Variants in NEURL1 observed in about 807,000 individuals in gnomAD.
NEURL1 encodes the protein E3 ubiquitin-protein ligase NEURL1.
Under a neutral mutation model 41.2 loss-of-function variants are expected in NEURL1, and 26 were observed. The ratio of observed to expected loss-of-function variants is 0.63; its 90% CI spans 0.46 to 0.87. The LOEUF (loss-of-function observed/expected upper bound fraction) is 0.87, where lower values mean the gene tolerates loss of function less well. Ranked by LOEUF, NEURL1 falls within the 40% of genes least tolerant of loss-of-function variation. The pLI, the probability that NEURL1 is intolerant of heterozygous loss-of-function variation, is 0.00. For synonymous variants in NEURL1, 400 were observed against 402.3 expected (o/e 0.99, Z 0.07); for missense variants, 761 against 871.1 (o/e 0.87, Z 1.59).
chr10:103,532,899 C>T (rs1434448124), intron 1 of NEURL1, among the ~76,000 whole-genome samples: 8 of 146,834 alleles, frequency 5.4e-5, no homozygotes, highest in Non-Finnish European at 7.5e-5. Flanking sequence ...AGGTTTTCTA[C>T]ACCTTTTTCC....
intron 1 of NEURL1, chr10:103,512,300 G>A (rs1414238889): frequency 6.5e-6 from 1 of 152,678 alleles, no homozygotes; most frequent in East Asian, 1.9e-4. Context: ...TCTTGGGAGT[G>A]GGCAAGGAGC....
At position 103,577,118 on chromosome 10, in the gene NEURL1, G is replaced by A. The variant is rs111593951; in HGVS notation, c.649+5296G>A. On this transcript the variant is annotated intron_variant, in intron 3 of 5. Transcript: ENST00000369780. ...GCTGGGGGAAACAGCTGAGGCTGCC[G>A]ATCATGATTTCTTCCTCTTTGATGA... Among the ~76,000 whole-genome samples, 391 of 152,316 alleles carry A rather than the reference G, an allele frequency of 2.6e-3. 2 individuals are homozygous for A. Among genetic ancestry groups the A allele is most frequent in the Admixed American group, 5.2e-3 (80 of 15,308 alleles).
At position 103,585,006 on chromosome 10, in the gene NEURL1, C is replaced by G; in HGVS notation, c.1120C>G (p.Pro374Ala). 1 of 1,575,670 alleles carries G rather than the reference C, an allele frequency of 6.3e-7. No individual in the cohort carries two copies. Among genetic ancestry groups the G allele is most frequent in the Non-Finnish European group, 8.6e-7 (1 of 1,169,368 alleles). Residue 374 changes from proline to alanine, a missense_variant, in exon 4 of 6, where the codon CCT (proline) becomes GCT (alanine). Around this residue, in one of 5 missense-constraint regions of NEURL1, gnomAD observed 443 missense variants for 408.1 expected, o/e 1.09. Coordinates refer to ENST00000369780, the MANE Select transcript of NEURL1 (RefSeq NM_004210.5). ...GCGGCCGGCCGACCTGCCTTTCAGC[C>G]CTGAGGCCCTGGTGGACCGCAAGGA... ...TLRPADLPFS[P>A]EALVDRKEFW...
chr10:103,550,720 A>G (rs2133867558), intron 1 of NEURL1: 1 of 152,292 alleles, frequency 6.6e-6, no homozygotes, highest in Non-Finnish European at 1.5e-5. Context: ...TCTCTCCTCT[A>G]AGCAAGAGGG....
Position 103,545,905 on chromosome 10 carries a change from G to A in NEURL1, c.86-24967G>A, listed in dbSNP as rs2034915838. Among the ~76,000 whole-genome samples, 1 of 152,204 alleles carries A rather than the reference G, an allele frequency of 6.6e-6. No individual in the cohort carries two copies. The highest frequency in any genetic ancestry group is 2.1e-4 in the South Asian group (1 of 4,828). On this transcript the variant is annotated intron_variant, in intron 1 of 5. Transcript: ENST00000369780. The surrounding 1 kb of genome is among the most constrained non-coding windows in gnomAD (Gnocchi z 4.5). The stretch of plus-strand genomic sequence containing the variant: ...AGCCTGGCTGGGGCAAGGCCTGCAG[G>A]TGGGTGCCTAGGTGCATGACGGGGA...
Position 103,570,953 on chromosome 10 carries a change from G to C in NEURL1, c.167G>C (p.Gly56Ala). ...QKHCPAVLPS[G>A]GLPATPLLFH... ...CACTGTCCGGCAGTGCTGCCCAGCG[G>C]GGGGCTCCCAGCCACGCCGCTGCTC... Residue 56 changes from glycine to alanine, a missense_variant, in exon 2 of 6, where the codon GGG becomes GCG. Coordinates refer to ENST00000369780, the MANE Select transcript of NEURL1 (RefSeq NM_004210.5). 9 of 1,613,926 alleles carry C rather than the reference G, an allele frequency of 5.6e-6. No homozygotes were observed. The highest frequency in any genetic ancestry group is 7.6e-6 in the Non-Finnish European group (9 of 1,179,998).
intron 1 of NEURL1, among the ~76,000 whole-genome samples, chr10:103,541,134 A>G (rs1412166946): frequency 6.6e-6 from 1 of 152,180 alleles, no homozygotes; most frequent in Non-Finnish European, 1.5e-5. Context: ...TTGTGTAGGA[A>G]GGATTAGGGA....
intron 4 of NEURL1, among the ~76,000 whole-genome samples, chr10:103,587,052 AAAAG>A (rs754650107): frequency 7.2e-4 from 108 of 149,928 alleles, no homozygotes; most frequent in African/African-American, 2.6e-3. Context: ...CCATCTCAAG[AAAAG>A]AAAGAGAGAG....
intron 1 of NEURL1, among the ~76,000 whole-genome samples, chr10:103,557,367 A>C (rs897201593): frequency 6.6e-6 from 1 of 151,874 alleles, no homozygotes; most frequent in African/African-American, 2.4e-5. Context: ...CCTGGGCCCA[A>C]GGTCATATTC....
At chr10:103,512,428 C>T (rs1038229214) in intron 1 of NEURL1, among the ~76,000 whole-genome samples, 2 of 152,194 alleles carry the variant, frequency 1.3e-5, no homozygotes, top group Non-Finnish European at 2.9e-5. Context: ...ACCATTGGTC[C>T]TGGCTCTGCC....
At chr10:103,506,318 G>A (rs1381751917) in intron 1 of NEURL1, among the ~76,000 whole-genome samples, 1 of 152,194 alleles carries the variant, frequency 6.6e-6, no homozygotes, top group Non-Finnish European at 1.5e-5. Context: ...AGGGAGGGGA[G>A]GAGGCACTCT....
intron 4 of NEURL1, among the ~76,000 whole-genome samples, chr10:103,586,227 A>T (rs11191738): frequency 0.32 from 48,378 of 151,834 alleles, 7,907 homozygotes; most frequent in East Asian, 0.45. Flanking sequence ...GAGTTTTTCC[A>T]TACTAATTTG....
At chr10:103,536,086 G>T (rs1312020539) in intron 1 of NEURL1, among the ~76,000 whole-genome samples, 1 of 152,064 alleles carries the variant, frequency 6.6e-6, no homozygotes, top group Non-Finnish European at 1.5e-5. Context: ...GTGTTGATGG[G>T]GGTTGCTTGC....
At chr10:103,541,874 TC>T (rs1290205805) in intron 1 of NEURL1, among the ~76,000 whole-genome samples, 1 of 152,210 alleles carries the variant, frequency 6.6e-6, no homozygotes, top group Non-Finnish European at 1.5e-5. Context: ...ATGAAGTACT[TC>T]CCATCTCTCT....
intron 4 of NEURL1, among the ~76,000 whole-genome samples, chr10:103,587,603 G>A (rs191045455): frequency 6.6e-6 from 1 of 152,328 alleles, no homozygotes; most frequent in Admixed American, 6.5e-5. Flanking sequence ...GCTAGCCTAA[G>A]TATACTAAAA....
intron 1 of NEURL1, among the ~76,000 whole-genome samples, chr10:103,505,197 G>A (rs1055424864): frequency 6.6e-6 from 1 of 151,168 alleles, no homozygotes; most frequent in Non-Finnish European, 1.5e-5. Context: ...GGGTCTACAG[G>A]CACACAATAC....
At position 103,584,511 on chromosome 10, in the gene NEURL1, A is replaced by T. The variant is rs1346087798; in HGVS notation, c.650-25A>T. The T allele has an allele frequency of 3.8e-6, 5 of 1,324,276 alleles. No homozygotes were observed. The South Asian group carries it at 8.2e-5, about 22-fold the overall frequency. 82.0% of individuals were successfully genotyped at this position (1,324,276 alleles called of 1,614,324 possible). A position where few individuals can be genotyped will look rare whatever the true frequency, so the allele number is the denominator to read the frequency against. On this transcript the variant is annotated intron_variant, in intron 3 of 5. Transcript: ENST00000369780. ...GGCCGCCTCCCGAGAGCCCTGCGTG[A>T]CACTGCCCCGTGTCTCCCGCGCAGA...
intron 1 of NEURL1, among the ~76,000 whole-genome samples, chr10:103,498,716 C>T (rs2133842585): frequency 6.6e-6 from 1 of 152,290 alleles, no homozygotes; most frequent in Admixed American, 6.5e-5. Flanking sequence ...CCCCTGAATC[C>T]CTGGAAACCA....
At chr10:103,537,434 G>GT (rs2034716509) in intron 1 of NEURL1, among the ~76,000 whole-genome samples, 1 of 151,988 alleles carries the variant, frequency 6.6e-6, no homozygotes, top group African/African-American at 2.4e-5. Flanking sequence ...GGGTCTCACT[G>GT]TGTCACCCAG....
Sources: allele counts gnomAD v4.1 joint callset (sites outside exome capture counted in the v4.1 genomes callset), GRCh38; gene constraint gnomAD v4.1.1; regional missense constraint gnomAD v4.1.1; non-coding constraint Gnocchi (gnomAD v3.1); transcripts MANE v1.5; gene names NCBI Gene and HGNC (gene_info 2026-07-23, HGNC 2026-07-21).